Variants in ZNF639 observed in about 807,000 individuals in gnomAD.
ZNF639 encodes zinc finger protein 639.
ZNF639 carries 20 observed loss-of-function variants against 39.8 expected under a neutral mutation model. The observed-to-expected ratio is 0.50, with a 90% CI of 0.35 to 0.73. The LOEUF (loss-of-function observed/expected upper bound fraction) is 0.73. Among genes scored for constraint, ZNF639 ranks in the 30% least tolerant of loss-of-function variants. The probability of loss-of-function intolerance (pLI) is 0.00; values close to 1 mark genes in which losing one functional copy is unlikely to be tolerated. For synonymous variants in ZNF639, 176 were observed against 189.8 expected (o/e 0.93, Z 0.60); for missense variants, 477 against 566.2 (o/e 0.84, Z 1.60).
At position 179,328,907 on chromosome 3, in the gene ZNF639, C is replaced by G. The variant is rs1173377404; in HGVS notation, c.58+556C>G. 7.9e-5 allele frequency among the ~76,000 whole-genome samples: 12 copies of G among 151,884 alleles called. No homozygotes were observed. The South Asian group carries it at 1.0e-3, about 13-fold the overall frequency. ...TCTCCTGCCTCAGCCTCCCAAGTAGCTGGGATTACAGGCGTGTACCGCCAC... is the reference window on the plus strand; with the variant it reads ...TCTCCTGCCTCAGCCTCCCAAGTAGGTGGGATTACAGGCGTGTACCGCCAC... On this transcript the variant is annotated intron_variant, in intron 3 of 5. Coordinates refer to ENST00000496856, the MANE Select transcript of ZNF639 (RefSeq NM_001303426.2).
At chr3:179,328,179 C>T (rs41265405) in intron 2 of ZNF639, 104 bp from the exon 3 acceptor site, 6,316 of 608,344 alleles carry the variant, frequency 0.01, 49 homozygotes, top group Non-Finnish European at 0.013. Flanking sequence ...TTTCAGGTGG[C>T]TCACATATTT....
At chr3:179,323,666 G>C (rs1159046898) in intron 1 of ZNF639, 1 of 152,408 alleles carries the variant, frequency 6.6e-6, no homozygotes, top group Non-Finnish European at 1.5e-5. Context: ...GCATTTGTCT[G>C]GCTGCGTCCG....
chr3:179,324,447 C>G (rs1221448140), intron 1 of ZNF639, among the ~76,000 whole-genome samples: 1 of 152,146 alleles, frequency 6.6e-6, no homozygotes, highest in Non-Finnish European at 1.5e-5. Context: ...GCTTGTGATT[C>G]AGAATCTTCC....
At chr3:179,331,775 CAAAAAAAAAA>C (rs56708873) in intron 4 of ZNF639, among the ~76,000 whole-genome samples, 52 of 80,556 alleles carry the variant, frequency 6.5e-4, no homozygotes, top group African/African-American at 2.3e-3. Flanking sequence ...AACTCCATCT[CAAAAAAAAAA>C]AAAAAAAAAA....
chr3:179,327,958 T>G (rs1000181287), intron 2 of ZNF639: 1 of 182,110 alleles, frequency 5.5e-6, no homozygotes, highest in Non-Finnish European at 1.1e-5. Flanking sequence ...GCACAGTGTT[T>G]CTTTTTTTAT....
intron 1 of ZNF639, among the ~76,000 whole-genome samples, chr3:179,326,600 TTTAC>T (rs997106637): frequency 1.3e-5 from 2 of 151,948 alleles, no homozygotes; most frequent in African/African-American, 4.8e-5. Flanking sequence ...TATTATCACT[TTTAC>T]TTTTTTCTTT....
At chr3:179,328,452 G>T in intron 3 of ZNF639, 101 bp downstream of exon 3, 1 of 745,542 alleles carries the variant, frequency 1.3e-6, no homozygotes, top group East Asian at 2.8e-5. Context: ...TTAAATATCT[G>T]GGTCAATATT....
chr3:179,329,621 C>A lies in ZNF639; in HGVS notation c.62C>A (p.Ser21Tyr), dbSNP rs138782540. ...ATATTTTTCATTTTATGTTCAGATT[C>A]CTCTGGAATAAGCAGAATTGCAGAT... ...KTLHPSRYSD[S>Y]SGISRIADGF... The change falls in exon 4 of 6, where the codon TCC becomes TAC. Residue 21 changes from serine (S) to tyrosine (Y), a missense_variant. By Grantham distance (144) the Ser-to-Tyr change is moderately radical (BLOSUM62 -2). Coordinates refer to ENST00000496856, the MANE Select transcript of ZNF639 (RefSeq NM_001303426.2). 7.2e-5 allele frequency: 114 copies of A among 1,585,734 alleles called. No individual in the cohort carries two copies. The highest frequency in any genetic ancestry group is 9.6e-5 in the Non-Finnish European group (111 of 1,158,470).
At chr3:179,329,909 CTTTTTTTTT>C (rs71181282) in intron 4 of ZNF639, 181 bp downstream of exon 4, 4,366 of 207,686 alleles carry the variant, frequency 0.021, 28 homozygotes, top group South Asian at 0.042. Context: ...TTTAACTATT[CTTTTTTTTT>C]TTTTTTTTTT....
chr3:179,337,362 A>G lies in ZNF639; in HGVS notation c.*2940A>G, dbSNP rs939443465. Reference sequence around the variant, plus strand: ...TTTTGTACTTTTTTTTTTTTCAGACAGTCTTGCTCTGTTGCCCAGGCTGGA... The same window carrying G: ...TTTTGTACTTTTTTTTTTTTCAGACGGTCTTGCTCTGTTGCCCAGGCTGGA... On this transcript the variant is annotated 3_prime_UTR_variant, in exon 6 of 6. Transcript: ENST00000496856. 1.3e-5 allele frequency: 2 copies of G among 150,126 alleles called. No individual in the cohort carries two copies. The highest frequency in any genetic ancestry group is 4.9e-5 in the African/African-American group (2 of 40,750). The allele number at this position is 150,126 out of a possible 1,614,324, so 9.3% of individuals were successfully genotyped here. A position where few individuals can be genotyped will look rare whatever the true frequency, so the allele number is the denominator to read the frequency against.
Position 179,330,019 on chromosome 3 carries a change from TCTC to T in ZNF639, c.169+294_169+296del, listed in dbSNP as rs201727658. ...CCTCCGCCTCCCAGGTTCAAGCAAT[TCTC>T]CTGCCTTAGCTTCCTGAGTAGCTGG... On this transcript the variant is annotated intron_variant, in intron 4 of 5. Transcript: ENST00000496856. The T allele has an allele frequency of 1.4e-3, 277 of 203,570 alleles. 5 individuals are homozygous for T. In the East Asian group the frequency reaches 0.033, roughly 24 times the overall value. 12.6% of individuals were successfully genotyped at this position (203,570 alleles called of 1,614,324 possible). A position where few individuals can be genotyped will look rare whatever the true frequency, so the allele number is the denominator to read the frequency against.
At position 179,334,519 on chromosome 3, in the gene ZNF639, A is replaced by T; in HGVS notation, c.*97A>T. The T allele has an allele frequency of 1.1e-6, 1 of 946,772 alleles. No homozygotes were observed. 58.6% of individuals were successfully genotyped at this position (946,772 alleles called of 1,614,324 possible). A position where few individuals can be genotyped will look rare whatever the true frequency, so the allele number is the denominator to read the frequency against. On this transcript the variant is annotated 3_prime_UTR_variant, in exon 6 of 6. Coordinates refer to ENST00000496856, the MANE Select transcript of ZNF639 (RefSeq NM_001303426.2). ...GATGATTGTAAACACAACTTATGAA[A>T]TCTGCCTTTAACAAGTAACTTTTTT...
rs1266378490 is a variant in ZNF639, at chr3:179,335,020, A to C, written c.*598A>C. ...AGGAACTAATAAGGGCTTACACAAT[A>C]AAAAATAACTATATCATAACTCATT... On this transcript the variant is annotated 3_prime_UTR_variant, in exon 6 of 6. Coordinates refer to ENST00000496856, the MANE Select transcript of ZNF639 (RefSeq NM_001303426.2). 2 of 152,206 alleles carry C rather than the reference A, an allele frequency of 1.3e-5. No homozygotes were observed. Among genetic ancestry groups the C allele is most frequent in the African/African-American group, 2.4e-5 (1 of 41,448 alleles). The allele number at this position is 152,206 out of a possible 1,614,324, so 9.4% of individuals were successfully genotyped here. A position where few individuals can be genotyped will look rare whatever the true frequency, so the allele number is the denominator to read the frequency against.
chr3:179,334,353 T>C lies in ZNF639; in HGVS notation c.1389T>C (p.Ser463=), dbSNP rs565108262. 46 of 1,607,184 alleles carry C rather than the reference T, an allele frequency of 2.9e-5. No homozygotes were observed. The South Asian group carries it at 4.7e-4, about 16-fold the overall frequency. ...CAGCTGACTTGCCTCATAAATGTAG[T>C]GACTGCTTGATGAGGTTTGGAAATG... ...KHSADLPHKC[S]DCLMRFGNER... The change falls in exon 6 of 6, where the codon AGT becomes AGC. Residue 463 remains serine, a synonymous_variant. Transcript: ENST00000496856.
At position 179,333,021 on chromosome 3, in the gene ZNF639, T is replaced by C. The variant is rs765707698; in HGVS notation, c.202T>C (p.Leu68=). Residue 68 remains leucine (L), a synonymous_variant, in exon 5 of 6, where the codon TTG becomes CTG. Transcript: ENST00000496856. ...TTCTGATACCGAGACGTCAAATGAC[T>C]TGCCAAAATTTGCAGATGGAATCAA... The part of the protein sequence containing the change: ...DDSDTETSND[L]PKFADGIKAR... The C allele has an allele frequency of 1.3e-6, 2 of 1,556,618 alleles. No homozygotes were observed. Among genetic ancestry groups the C allele is most frequent in the South Asian group, 2.3e-5 (2 of 85,140 alleles).
In ZNF639 at chr3:179,334,158, A is replaced by G. The variant is rs750675965; in HGVS notation, c.1194A>G (p.Thr398=). 3 of 1,614,046 alleles carry G rather than the reference A, an allele frequency of 1.9e-6. No homozygotes were observed. The African/African-American group carries it at 4.0e-5, about 22-fold the overall frequency. ...ACAGGCATGTTGCTATTGAACATAC[A>G]AAAATTTTTCCTCATGTTTGTGATG... is the stretch of plus-strand genomic sequence containing the variant. The part of the protein sequence containing the change: ...NVNRHVAIEH[T]KIFPHVCDDC... Residue 398 remains threonine, a synonymous_variant, in exon 6 of 6, where the codon ACA becomes ACG. Transcript: ENST00000496856.
rs1266452180 is a variant in ZNF639, at chr3:179,334,338, G to A, written c.1374G>A (p.Leu458=). Residue 458 remains leucine, a synonymous_variant, in exon 6 of 6, where the codon TTG becomes TTA. Coordinates refer to ENST00000496856, the MANE Select transcript of ZNF639 (RefSeq NM_001303426.2). ...IHLDFKHSAD[L]PHKCSDCLMR... Reference sequence around the variant, plus strand: ...TAGATTTCAAGCATTCAGCTGACTTGCCTCATAAATGTAGTGACTGCTTGA... The same window carrying A: ...TAGATTTCAAGCATTCAGCTGACTTACCTCATAAATGTAGTGACTGCTTGA... 5.6e-6 allele frequency: 9 copies of A among 1,611,954 alleles called. No individual in the cohort carries two copies. In the African/African-American group the frequency reaches 8.0e-5, roughly 14 times the overall value.
intron 1 of ZNF639, among the ~76,000 whole-genome samples, chr3:179,326,080 C>G (rs896428680): frequency 1.3e-5 from 2 of 152,114 alleles, no homozygotes; most frequent in Non-Finnish European, 2.9e-5. Context: ...CCTGTAATCC[C>G]AGCACTTTGG....
Position 179,333,858 on chromosome 3 carries a change from C to A in ZNF639, c.894C>A (p.Phe298Leu). Residue 298 changes from phenylalanine to leucine, a missense_variant, in exon 6 of 6, where the codon TTC becomes TTA. Physicochemically the swap from Phe to Leu is conservative, Grantham distance 22. Coordinates refer to ENST00000496856, the MANE Select transcript of ZNF639 (RefSeq NM_001303426.2). Reference protein sequence around the residue: ...LYWCEQCDVQFSSSSELYLHF... With the variant: ...LYWCEQCDVQLSSSSELYLHF... ...GGTGTGAACAGTGTGATGTACAGTTCTCCTCAAGCAGTGAACTCTACCTAC... is the reference window on the plus strand; with the variant it reads ...GGTGTGAACAGTGTGATGTACAGTTATCCTCAAGCAGTGAACTCTACCTAC... The A allele has an allele frequency of 3.1e-6, 5 of 1,614,122 alleles. No homozygotes were observed. The highest frequency in any genetic ancestry group is 4.2e-6 in the Non-Finnish European group (5 of 1,180,028).
Sources: allele counts gnomAD v4.1 joint callset (sites outside exome capture counted in the v4.1 genomes callset), GRCh38; gene constraint gnomAD v4.1.1; transcripts MANE v1.5; gene names NCBI Gene and HGNC (gene_info 2026-07-23, HGNC 2026-07-21).